Variants in AIG1 observed in about 807,000 individuals in gnomAD.
AIG1 encodes androgen induced 1.
A neutral mutation model predicts 31.4 loss-of-function variants in AIG1; 23 were observed. The ratio of observed to expected loss-of-function variants is 0.73; its 90% CI spans 0.53 to 1.04. The LOEUF (loss-of-function observed/expected upper bound fraction) is 1.04. Among genes scored for constraint, AIG1 ranks in the 50% least tolerant of loss-of-function variants. The pLI is 0.00. For synonymous variants in AIG1, 100 were observed against 110.5 expected, an observed-to-expected ratio of 0.90 and a Z score of 0.60; for missense variants, 274 against 295.0, an observed-to-expected ratio of 0.93 and a Z score of 0.52.
intron 1 of AIG1, among the ~76,000 whole-genome samples, chr6:143,071,657 G>A (rs560918833): frequency 1.3e-5 from 2 of 150,198 alleles, no homozygotes; most frequent in Admixed American, 6.6e-5. Flanking sequence ...ATATCTCATC[G>A]TGGTGGTGGT....
Position 143,254,255 on chromosome 6 carries a change from G to A in AIG1, c.400-29855G>A, listed in dbSNP as rs567653786. Among the ~76,000 whole-genome samples, 194 of 152,300 alleles carry A rather than the reference G, an allele frequency of 1.3e-3. 1 individual carries two copies. The highest frequency in any genetic ancestry group is 4.6e-3 in the African/African-American group (191 of 41,550). On this transcript the variant is annotated intron_variant, in intron 3 of 5. Coordinates refer to ENST00000357847, the MANE Select transcript of AIG1 (RefSeq NM_016108.4). ...ACTTAGAGGAAAGGGTGTTAAACATGCTTGATTCTCAGTTGTACTGAAGCT... is the reference window on the plus strand; with the variant it reads ...ACTTAGAGGAAAGGGTGTTAAACATACTTGATTCTCAGTTGTACTGAAGCT...
intron 3 of AIG1, among the ~76,000 whole-genome samples, chr6:143,233,700 G>A (rs1793617393): frequency 6.6e-6 from 1 of 152,278 alleles, no homozygotes; most frequent in South Asian, 2.1e-4. Flanking sequence ...AATGTGGTTT[G>A]AATAGTTGGC....
At chr6:143,176,510 A>AG (rs1313723601) in intron 3 of AIG1, among the ~76,000 whole-genome samples, 13 of 150,750 alleles carry the variant, frequency 8.6e-5, no homozygotes, top group Non-Finnish European at 1.6e-4. Context: ...CTTCTTCGGC[A>AG]GGGCTTGCTC....
chr6:143,183,754 A>G (rs550940408), intron 3 of AIG1, among the ~76,000 whole-genome samples: 1 of 152,164 alleles, frequency 6.6e-6, no homozygotes, highest in Non-Finnish European at 1.5e-5. Flanking sequence ...CCTTAAATCC[A>G]TAGATATTTC....
At chr6:143,179,814 G>A (rs1251104041) in intron 3 of AIG1, among the ~76,000 whole-genome samples, 4 of 152,128 alleles carry the variant, frequency 2.6e-5, no homozygotes, top group Admixed American at 6.5e-5. Flanking sequence ...TTAATTTATT[G>A]TAATTAAAAA....
At chr6:143,098,608 C>T (rs1166186852) in intron 1 of AIG1, among the ~76,000 whole-genome samples, 2 of 152,176 alleles carry the variant, frequency 1.3e-5, no homozygotes, top group East Asian at 3.8e-4. Context: ...TTTTGAGCCC[C>T]AGTCTCTCTT....
chr6:143,262,623 G>T (rs1795868443), intron 3 of AIG1, among the ~76,000 whole-genome samples: 1 of 152,064 alleles, frequency 6.6e-6, no homozygotes, highest in Non-Finnish European at 1.5e-5. Flanking sequence ...TGACGAAAGG[G>T]ATTTTACGCA....
intron 1 of AIG1, among the ~76,000 whole-genome samples, chr6:143,124,265 T>A (rs995273622): frequency 3.9e-5 from 6 of 152,216 alleles, no homozygotes; most frequent in African/African-American, 1.4e-4. Context: ...AGGAAGGGCC[T>A]CTCTTACTGT....
chr6:143,302,683 A>G (rs1798917125), intron 4 of AIG1, among the ~76,000 whole-genome samples: 1 of 152,210 alleles, frequency 6.6e-6, no homozygotes, highest in East Asian at 1.9e-4. Flanking sequence ...CGCAATAAAC[A>G]TACGTGTGCA....
At chr6:143,218,686 A>C (rs1792225028) in intron 3 of AIG1, among the ~76,000 whole-genome samples, 1 of 152,206 alleles carries the variant, frequency 6.6e-6, no homozygotes. Context: ...GGCGATTCTT[A>C]AAAATGGGCG....
intron 2 of AIG1, among the ~76,000 whole-genome samples, chr6:143,146,018 A>AT (rs1474862100): frequency 1.3e-5 from 2 of 152,194 alleles, no homozygotes; most frequent in Non-Finnish European, 2.9e-5. Context: ...TACACATTTG[A>AT]TGAAATGGTT....
intron 3 of AIG1, among the ~76,000 whole-genome samples, chr6:143,171,455 A>AAT (rs1389187063): frequency 3.6e-5 from 2 of 56,060 alleles, no homozygotes; most frequent in South Asian, 1.2e-3. Flanking sequence ...ATATATATTT[A>AAT]ATATATATAT....
chr6:143,065,210 G>A (rs1484822295), intron 1 of AIG1, among the ~76,000 whole-genome samples: 1 of 152,190 alleles, frequency 6.6e-6, no homozygotes, highest in Non-Finnish European at 1.5e-5. Flanking sequence ...GGCTCCTGCA[G>A]GCCATCTGGA....
At position 143,071,472 on chromosome 6, in the gene AIG1, T is replaced by C. The variant is rs146407400; in HGVS notation, c.141+10406T>C. 6.0e-3 allele frequency among the ~76,000 whole-genome samples: 913 copies of C among 152,360 alleles called. 13 individuals carry two copies. Among genetic ancestry groups the C allele is most frequent in the African/African-American group, 0.019 (770 of 41,576 alleles). ...ATCCAAGAAGAAAAATGCTGTATTC[T>C]GTGATAGTTGCAATTTTTAGTTTTA... On this transcript the variant is annotated intron_variant, in intron 1 of 5. Transcript: ENST00000357847.
chr6:143,075,980 A>G (rs866132879), intron 1 of AIG1, among the ~76,000 whole-genome samples: 1 of 152,142 alleles, frequency 6.6e-6, no homozygotes, highest in Non-Finnish European at 1.5e-5. Context: ...GTTTGGTTTT[A>G]TGGCTGAGAA....
At chr6:143,251,608 G>T (rs1017435313) in intron 3 of AIG1, among the ~76,000 whole-genome samples, 2 of 152,156 alleles carry the variant, frequency 1.3e-5, no homozygotes, top group Non-Finnish European at 2.9e-5. Flanking sequence ...TATTATGGGT[G>T]CATAATACCT....
intron 2 of AIG1, among the ~76,000 whole-genome samples, chr6:143,164,427 A>G (rs1012219543): frequency 6.6e-6 from 1 of 152,200 alleles, no homozygotes; most frequent in Non-Finnish European, 1.5e-5. Flanking sequence ...TCTTGGGCCA[A>G]AACAAACCTT....
At chr6:143,244,931 T>C (rs1393764262) in intron 3 of AIG1, among the ~76,000 whole-genome samples, 1 of 152,196 alleles carries the variant, frequency 6.6e-6, no homozygotes, top group Non-Finnish European at 1.5e-5. Context: ...TTTAAATAGC[T>C]ACTCTAAGAA....
chr6:143,122,284 T>A (rs1246664353), intron 1 of AIG1, among the ~76,000 whole-genome samples: 8 of 152,216 alleles, frequency 5.3e-5, no homozygotes, highest in African/African-American at 9.6e-5. Context: ...ACTAGCCTTA[T>A]CCTTTCATGG....
Sources: allele counts gnomAD v4.1 joint callset (sites outside exome capture counted in the v4.1 genomes callset), GRCh38; gene constraint gnomAD v4.1.1; transcripts MANE v1.5; gene names NCBI Gene and HGNC (gene_info 2026-07-23, HGNC 2026-07-21).